CCDC40: variants seen among roughly 807,000 people sequenced by gnomAD.
CCDC40 encodes the protein coiled-coil domain-containing protein 40.
Under a neutral mutation model 124.5 loss-of-function variants are expected in CCDC40, and 104 were observed. That is an observed-to-expected ratio of 0.84 (90% CI 0.71 to 0.98). The LOEUF (loss-of-function observed/expected upper bound fraction) is 0.98. Among genes scored for constraint, CCDC40 ranks in the 50% least tolerant of loss-of-function variants. The probability of loss-of-function intolerance (pLI) is 0.00; values close to 1 mark genes in which losing one functional copy is unlikely to be tolerated. For synonymous variants in CCDC40, 580 were observed against 602.9 expected (o/e 0.96, Z 0.56); for missense variants, 1,463 against 1,503.9 (o/e 0.97, Z 0.45).
chr17:80,079,400 G>A (rs1471282596), intron 10 of CCDC40, among the ~76,000 whole-genome samples: 1 of 152,072 alleles, frequency 6.6e-6, no homozygotes, highest in Admixed American at 6.6e-5. Context: ...GCCGCTTAGT[G>A]TGTCCCGCTC....
In CCDC40 at chr17:80,066,635, A is replaced by G; in HGVS notation, c.1562+1029A>G. 6.1e-6 allele frequency: 1 copy of G among 164,634 alleles called. No individual in the cohort carries two copies. The highest frequency in any genetic ancestry group is 1.6e-4 in the South Asian group (1 of 6,246). 10.2% of individuals were successfully genotyped at this position (164,634 alleles called of 1,614,324 possible). A position where few individuals can be genotyped will look rare whatever the true frequency, so the allele number is the denominator to read the frequency against. On this transcript the variant is annotated intron_variant, in intron 10 of 19. Coordinates refer to ENST00000397545, the MANE Select transcript of CCDC40 (RefSeq NM_017950.4). The surrounding 1 kb of genome is among the most constrained non-coding windows in gnomAD (Gnocchi z 4.4). The stretch of plus-strand genomic sequence containing the variant: ...GCCAGGCATGGTGTGGGCGCCTGTA[A>G]TCCCCGCTACTCGGGAGGGTGAGAC...
At position 80,095,459 on chromosome 17, in the gene CCDC40, G is replaced by A. The variant is rs1434081760; in HGVS notation, c.3021+8G>A. The A allele has an allele frequency of 1.2e-5, 19 of 1,613,742 alleles. No homozygotes were observed. The highest frequency in any genetic ancestry group is 6.7e-5 in the Admixed American group (4 of 59,994). ...ATCAGGGACGTTCGCAAGGTAGGGA[G>A]CAGCGGAAAGGAAACAGGGCGCCTG... is the stretch of plus-strand genomic sequence containing the variant. On this transcript the variant is annotated splice_region_variant and intron_variant, in intron 18 of 19. Coordinates refer to ENST00000397545, the MANE Select transcript of CCDC40 (RefSeq NM_017950.4).
At chr17:80,082,925 C>T (rs2038493122) in intron 12 of CCDC40, among the ~76,000 whole-genome samples, 1 of 152,188 alleles carries the variant, frequency 6.6e-6, no homozygotes, top group African/African-American at 2.4e-5. Context: ...AAAAGAGTAC[C>T]CCCGACACGA....
chr17:80,037,689 AGAT>A (rs1210988936), intron 1 of CCDC40, among the ~76,000 whole-genome samples: 5 of 95,162 alleles, frequency 5.3e-5, no homozygotes, highest in African/African-American at 1.2e-4. Flanking sequence ...TTTTTAAAAA[AGAT>A]ATACATATAT....
chr17:80,056,000 A>ATTTTTTTTT lies in CCDC40; in HGVS notation c.1160-2493_1160-2492insTTTTTTTTT, dbSNP rs1285051283. 2.9e-3 allele frequency among the ~76,000 whole-genome samples: 22 copies of ATTTTTTTTT among 7,572 alleles called. 3 individuals carry two copies. Among genetic ancestry groups the ATTTTTTTTT allele is most frequent in the Non-Finnish European group, 5.6e-3 (18 of 3,198 alleles). The allele number at this position is 7,572 out of a possible 152,430, so 5.0% of individuals were successfully genotyped here. On this transcript the variant is annotated intron_variant, in intron 7 of 19. Coordinates refer to ENST00000397545, the MANE Select transcript of CCDC40 (RefSeq NM_017950.4). Reference sequence around the variant, plus strand: ...AATTTTCATATATATATATATATATATATATATATATATATATTTTTTTTT... The same window carrying ATTTTTTTTT: ...AATTTTCATATATATATATATATATATTTTTTTTTTATATATATATATATATTTTTTTTT...
At position 80,099,624 on chromosome 17, in the gene CCDC40, T is replaced by C. The variant is rs750841136; in HGVS notation, c.3278T>C (p.Leu1093Pro). ...TTCCTGTTCCGCTCCAAGCAGTCCC[T>C]AGTGCTGGAGCGCCAGCGCCTGGAC... is the stretch of plus-strand genomic sequence containing the variant. The part of the protein sequence containing the change: ...YVFLFRSKQS[L>P]VLERQRLDKR... The change falls in exon 20 of 20, where the codon CTA becomes CCA. Residue 1093 changes from leucine (L) to proline (P), a missense_variant. Physicochemically the swap from Leu to Pro is moderately conservative, Grantham distance 98. Transcript: ENST00000397545. 13 of 1,613,762 alleles carry C rather than the reference T, an allele frequency of 8.1e-6. No homozygotes were observed. Among genetic ancestry groups the C allele is most frequent in the Admixed American group, 1.7e-5 (1 of 60,028 alleles).
At chr17:80,038,547 C>T (rs901923223) in intron 2 of CCDC40, among the ~76,000 whole-genome samples, 5 of 144,040 alleles carry the variant, frequency 3.5e-5, no homozygotes, top group Non-Finnish European at 7.6e-5. Context: ...AATAAATAGG[C>T]CGGGCACGGT....
At chr17:80,056,006 A>ATTTTTTTTT (rs1323101032) in intron 7 of CCDC40, among the ~76,000 whole-genome samples, 6 of 9,138 alleles carry the variant, frequency 6.6e-4, no homozygotes, top group Non-Finnish European at 1.2e-3. Context: ...ATATATATAT[A>ATTTTTTTTT]TATATATATA....
intron 9 of CCDC40, among the ~76,000 whole-genome samples, chr17:80,064,262 G>A (rs1340750708): frequency 2.0e-5 from 3 of 152,186 alleles, no homozygotes; most frequent in African/African-American, 7.2e-5. Context: ...CTAGCGCACT[G>A]TGGTTCAGTC....
chr17:80,068,667 G>A (rs868735661), intron 10 of CCDC40, among the ~76,000 whole-genome samples: 35 of 151,908 alleles, frequency 2.3e-4, no homozygotes, highest in Middle Eastern at 3.2e-3. Context: ...TTCACCCTGC[G>A]AGATCCCCAT....
intron 17 of CCDC40, chr17:80,090,878 T>C (rs2038710432): frequency 2.1e-6 from 2 of 964,388 alleles, no homozygotes; most frequent in Non-Finnish European, 2.6e-6. Flanking sequence ...TAATAAGATG[T>C]TGTGTTTAAA....
rs1323395994 is a variant in CCDC40, at chr17:80,065,517, G to C, written c.1473G>C (p.Glu491Asp). Reference sequence around the variant, plus strand: ...CCGAGATCGACGCCATCAGCGTGGAGAAGAGGCGCATCATGCAGCAATGGG... The same window carrying C: ...CCGAGATCGACGCCATCAGCGTGGACAAGAGGCGCATCATGCAGCAATGGG... ...ACTEIDAISV[E>D]KRRIMQQWAS... Residue 491 changes from glutamate (E) to aspartate (D), a missense_variant, in exon 10 of 20, where the codon GAG (glutamate) becomes GAC (aspartate). Physicochemically the swap from Glu to Asp is conservative, Grantham distance 45. Coordinates refer to ENST00000397545, the MANE Select transcript of CCDC40 (RefSeq NM_017950.4). 6.2e-7 allele frequency: 1 copy of C among 1,613,040 alleles called. No individual in the cohort carries two copies. Among genetic ancestry groups the C allele is most frequent in the Non-Finnish European group, 8.5e-7 (1 of 1,179,990 alleles).
intron 7 of CCDC40, 41 bp downstream of exon 7, chr17:80,050,324 A>G: frequency 6.8e-7 from 1 of 1,469,220 alleles, no homozygotes. Context: ...CCGGTCCTGG[A>G]GGGTTTCCCA....
At chr17:80,048,445 C>A in intron 4 of CCDC40, 138 bp from the exon 5 acceptor site, 1 of 732,384 alleles carries the variant, frequency 1.4e-6, no homozygotes, top group Non-Finnish European at 2.4e-6. Context: ...ACCCACAGAC[C>A]GTTGGGATGC....
chr17:80,082,561 G>A (rs2038479077), intron 12 of CCDC40, among the ~76,000 whole-genome samples: 1 of 152,142 alleles, frequency 6.6e-6, no homozygotes, highest in South Asian at 2.1e-4. Flanking sequence ...CATTTCCAGA[G>A]CACATCCTAG....
chr17:80,090,999 T>G (rs978368244), intron 17 of CCDC40, among the ~76,000 whole-genome samples: 3 of 152,216 alleles, frequency 2.0e-5, no homozygotes, highest in Non-Finnish European at 4.4e-5. Flanking sequence ...GGGCTGCTCC[T>G]CCCTGTCCCT....
At chr17:80,044,690 A>G (rs2037367979) in intron 3 of CCDC40, among the ~76,000 whole-genome samples, 1 of 57,914 alleles carries the variant, frequency 1.7e-5, no homozygotes, top group Non-Finnish European at 2.9e-5. Flanking sequence ...CTCAAAAACA[A>G]AACAAAACAA....
intron 10 of CCDC40, among the ~76,000 whole-genome samples, chr17:80,069,573 A>AACC (rs940469863): frequency 3.9e-5 from 6 of 152,114 alleles, no homozygotes; most frequent in African/African-American, 1.4e-4. Context: ...AACATGGTGA[A>AACC]ACCCCGTCTC....
In CCDC40 at chr17:80,081,985, A is replaced by G. The variant is rs1257696904; in HGVS notation, c.1916A>G (p.His639Arg). Residue 639 changes from histidine (H) to arginine (R), a missense_variant, in exon 12 of 20, where the codon CAC becomes CGC. Transcript: ENST00000397545. The stretch of plus-strand genomic sequence containing the variant: ...GCCATCCGGGAGAAGCTGCAGGAGC[A>G]CATGACCTCCAACAAGACCACCAAA... ...DAAIREKLQEHMTSNKTTKYF... is the reference protein window; with the variant it reads ...DAAIREKLQERMTSNKTTKYF... 6.2e-7 allele frequency: 1 copy of G among 1,613,796 alleles called. No homozygotes were observed. The highest frequency in any genetic ancestry group is 8.5e-7 in the Non-Finnish European group (1 of 1,179,994).
Sources: gnomAD v4.1 joint callset for allele counts (sites outside exome capture counted in the v4.1 genomes callset) on GRCh38, gnomAD v4.1.1 for gene constraint, Gnocchi (gnomAD v3.1) non-coding constraint, MANE v1.5 for transcripts, NCBI Gene and HGNC (gene_info 2026-07-23, HGNC 2026-07-21) for gene names.